Variants in NLRP4 observed in about 807,000 individuals in gnomAD.
The protein encoded by NLRP4 is NACHT, LRR and PYD domains-containing protein 4.
Under a neutral mutation model 84.7 loss-of-function variants are expected in NLRP4, and 44 were observed. That is an observed-to-expected ratio of 0.52 (90% CI 0.41 to 0.67). The LOEUF is 0.67. Among genes scored for constraint, NLRP4 ranks in the 30% least tolerant of loss-of-function variants. The pLI is 0.00. For missense variants in NLRP4, 1,260 were observed against 1,219.4 expected, an observed-to-expected ratio of 1.03 and a Z score of -0.50; for synonymous variants, 544 against 476.4, an observed-to-expected ratio of 1.14 and a Z score of -1.85.
rs568127507 is a variant in NLRP4 at position 55,876,675 on chromosome 19, G to A, written c.2526-321G>A. Among the ~76,000 whole-genome samples the A allele has an allele frequency of 5.8e-4, 88 of 152,176 alleles. 1 individual carries two copies. The highest frequency in any genetic ancestry group is 2.1e-3 in the African/African-American group (86 of 41,530). On this transcript the variant is annotated intron_variant, in intron 7 of 9. Transcript: ENST00000301295. The stretch of plus-strand genomic sequence containing the variant: ...ACCGCATCTGGCCTATATAGTGTTT[G>A]CATATAATGTACAGGCATCTTCCCA...
chr19:55,869,950 T>A (rs1985110638), intron 6 of NLRP4, among the ~76,000 whole-genome samples: 1 of 151,976 alleles, frequency 6.6e-6, no homozygotes, highest in Non-Finnish European at 1.5e-5. Flanking sequence ...ATTAGCTTGG[T>A]GTGGTGGCAC....
chr19:55,842,700 T>C (rs971264648), intron 1 of NLRP4, among the ~76,000 whole-genome samples: 1 of 152,138 alleles, frequency 6.6e-6, no homozygotes, highest in Non-Finnish European at 1.5e-5. Context: ...TTTCCTATAG[T>C]GTAAGTCTTC....
intron 8 of NLRP4, among the ~76,000 whole-genome samples, chr19:55,877,443 G>A (rs918673973): frequency 3.3e-5 from 5 of 152,170 alleles, no homozygotes; most frequent in African/African-American, 1.2e-4. Context: ...TTGCTATATG[G>A]TATGGAGGTT....
chr19:55,848,565 G>A (rs7258004), intron 1 of NLRP4, among the ~76,000 whole-genome samples: 3,326 of 152,004 alleles, frequency 0.022, 92 homozygotes, highest in African/African-American at 0.065. Flanking sequence ...CACCACATCC[G>A]GCTAATTTTT....
At chr19:55,870,188 C>T (rs952459492) in intron 6 of NLRP4, among the ~76,000 whole-genome samples, 5 of 152,096 alleles carry the variant, frequency 3.3e-5, no homozygotes, top group African/African-American at 9.7e-5. Context: ...AATCAATACA[C>T]TTTACCAGTC....
In NLRP4 at chr19:55,870,840, C is replaced by T. The variant is rs1451586525; in HGVS notation, c.2368C>T (p.His790Tyr). 6.2e-7 allele frequency: 1 copy of T among 1,613,280 alleles called. No homozygotes were observed. Among genetic ancestry groups the T allele is most frequent in the Non-Finnish European group, 8.5e-7 (1 of 1,179,410 alleles). ...TTGTCCCCATAGGTTGGCTTTCTGC[C>T]ACCTCAGCGAGCAGTGCTGCGAATA... is the stretch of plus-strand genomic sequence containing the variant. Reference protein sequence around the residue: ...VLVYLMLAFCHLSEQCCEYIS... With the variant: ...VLVYLMLAFCYLSEQCCEYIS... The change falls in exon 7 of 10, where the codon CAC becomes TAC. Residue 790 changes from histidine (H) to tyrosine (Y), a missense_variant. By Grantham distance (83) the His-to-Tyr change is moderately conservative (BLOSUM62 2). Transcript: ENST00000301295.
At chr19:55,870,002 G>A (rs747292409) in intron 6 of NLRP4, among the ~76,000 whole-genome samples, 3 of 152,068 alleles carry the variant, frequency 2.0e-5, no homozygotes, top group Non-Finnish European at 4.4e-5. Flanking sequence ...AGGTGCTGAG[G>A]TGGGAGGATC....
In NLRP4 at chr19:55,859,097, G is replaced by A. The variant is rs748916433; in HGVS notation, c.1704G>A (p.Gln568=). 8.7e-6 allele frequency: 14 copies of A among 1,613,888 alleles called. No individual in the cohort carries two copies. The highest frequency in any genetic ancestry group is 1.2e-5 in the Non-Finnish European group (14 of 1,179,922). The change falls in exon 3 of 10, where the codon CAG becomes CAA. Residue 568 remains glutamine, a synonymous_variant. Coordinates refer to ENST00000301295, the MANE Select transcript of NLRP4 (RefSeq NM_134444.5). ...TGCAGGATCCTGCCTTTGTGAAGCAGGCAGTGAACCTCCTCCAAGAAGCTA... is the reference window on the plus strand; with the variant it reads ...TGCAGGATCCTGCCTTTGTGAAGCAAGCAGTGAACCTCCTCCAAGAAGCTA... ...FEMQDPAFVK[Q]AVNLLQEANF...
chr19:55,848,107 C>T (rs1983869496), intron 1 of NLRP4, among the ~76,000 whole-genome samples: 1 of 152,166 alleles, frequency 6.6e-6, no homozygotes. Context: ...ACTAGGACCA[C>T]TCTCAGGATT....
intron 2 of NLRP4, among the ~76,000 whole-genome samples, chr19:55,852,772 C>T (rs1280656631): frequency 6.6e-6 from 1 of 152,134 alleles, no homozygotes; most frequent in Non-Finnish European, 1.5e-5. Flanking sequence ...CCACCATGCC[C>T]AGCCTGAAAA....
At chr19:55,839,295 A>G (rs925320023) in intron 1 of NLRP4, among the ~76,000 whole-genome samples, 6 of 128,776 alleles carry the variant, frequency 4.7e-5, no homozygotes, top group Admixed American at 7.9e-5. Flanking sequence ...TATCTAACCT[A>G]TGCCTCAGTT....
chr19:55,856,795 T>G (rs574912140), intron 2 of NLRP4, among the ~76,000 whole-genome samples: 14 of 152,306 alleles, frequency 9.2e-5, no homozygotes, highest in African/African-American at 3.1e-4. Flanking sequence ...ATTACAGGCA[T>G]GAACCACTGC....
chr19:55,846,861 G>A (rs543456978), intron 1 of NLRP4, among the ~76,000 whole-genome samples: 2 of 152,238 alleles, frequency 1.3e-5, no homozygotes, highest in Admixed American at 1.3e-4. Context: ...AAGCCATGAA[G>A]GTCACCTTTC....
At chr19:55,854,756 T>C (rs1229178554) in intron 2 of NLRP4, among the ~76,000 whole-genome samples, 4 of 152,170 alleles carry the variant, frequency 2.6e-5, no homozygotes, top group Admixed American at 6.5e-5. Flanking sequence ...TTTCACTCTT[T>C]CACCCAGGCT....
At chr19:55,853,773 C>CTCTCTT (rs1282578348) in intron 2 of NLRP4, among the ~76,000 whole-genome samples, 1 of 150,644 alleles carries the variant, frequency 6.6e-6, no homozygotes, top group African/African-American at 2.5e-5. Flanking sequence ...CTCTCTCTCT[C>CTCTCTT]TCTCTTTCTG....
chr19:55,851,715 G>A (rs552679655), intron 1 of NLRP4, among the ~76,000 whole-genome samples: 1 of 151,578 alleles, frequency 6.6e-6, no homozygotes, highest in Non-Finnish European at 1.5e-5. Flanking sequence ...AATGTCCGAG[G>A]CTGCGGTGTA....
Position 55,862,097 on chromosome 19 carries a change from T to C in NLRP4, c.2124T>C (p.Arg708=). The C allele has an allele frequency of 6.2e-7, 1 of 1,613,770 alleles. No individual in the cohort carries two copies. The highest frequency in any genetic ancestry group is 8.5e-7 in the Non-Finnish European group (1 of 1,179,618). The change falls in exon 5 of 10, where the codon CGT becomes CGC. Residue 708 remains arginine (R), a synonymous_variant. Coordinates refer to ENST00000301295, the MANE Select transcript of NLRP4 (RefSeq NM_134444.5). ...GCTTCACCCTCACGAAACTCTCTCG[T>C]GATGACATCAGGTCCCTCTGTGATG... ...YLSFTLTKLS[R]DDIRSLCDAL...
In NLRP4 at chr19:55,881,612, C is replaced by A; in HGVS notation, c.*25C>A. On this transcript the variant is annotated 3_prime_UTR_variant, in exon 10 of 10. Coordinates refer to ENST00000301295, the MANE Select transcript of NLRP4 (RefSeq NM_134444.5). ...ATTGCGAGGAACCTGGGCTCTGACT[C>A]GAACACCTGCAAAGGACAGGGACTG... The A allele has an allele frequency of 9.0e-7, 1 of 1,109,462 alleles. No homozygotes were observed. The highest frequency in any genetic ancestry group is 1.4e-6 in the Non-Finnish European group (1 of 726,628). 68.7% of individuals were successfully genotyped at this position (1,109,462 alleles called of 1,614,324 possible).
At chr19:55,860,490 A>G (rs1413471050) in intron 3 of NLRP4, among the ~76,000 whole-genome samples, 1 of 152,078 alleles carries the variant, frequency 6.6e-6, no homozygotes, top group African/African-American at 2.4e-5. Context: ...AAGCAGGAGG[A>G]TTGCTTGCTT....
Sources: gnomAD v4.1 joint callset for allele counts (sites outside exome capture counted in the v4.1 genomes callset) on GRCh38, gnomAD v4.1.1 for gene constraint, MANE v1.5 for transcripts, NCBI Gene and HGNC (gene_info 2026-07-23, HGNC 2026-07-21) for gene names.